The following EXOC2 variants were observed in gnomAD, a reference collection of about 807,000 sequenced individuals.
The protein encoded by EXOC2 is SEC5-like 1.
A neutral mutation model predicts 131.8 loss-of-function variants in EXOC2; 70 were observed. The ratio of observed to expected loss-of-function variants is 0.53; its 90% CI spans 0.44 to 0.65. The LOEUF (loss-of-function observed/expected upper bound fraction) is 0.65. EXOC2 is among the 30% of genes least tolerant of loss of function. The pLI, the probability that EXOC2 is intolerant of heterozygous loss-of-function variation, is 0.00. For missense variants in EXOC2, 923 were observed against 1,108.6 expected (o/e 0.83, Z 2.38); for synonymous variants, 411 against 398.4 (o/e 1.03, Z -0.38).
chr6:621,765 G>C (rs947980970), intron 4 of EXOC2, among the ~76,000 whole-genome samples: 1 of 152,154 alleles, frequency 6.6e-6, no homozygotes, highest in Non-Finnish European at 1.5e-5. Context: ...CCTTTTCACC[G>C]GTCAGCAGTC....
intron 23 of EXOC2, among the ~76,000 whole-genome samples, chr6:523,709 GGT>G (rs562925588): frequency 9.5e-4 from 145 of 152,170 alleles, no homozygotes; most frequent in Admixed American, 1.4e-3. Context: ...TTTGAGACAG[GGT>G]CTCTCCCTGT....
chr6:618,738 T>C (rs116810873), intron 5 of EXOC2, among the ~76,000 whole-genome samples: 147 of 152,390 alleles, frequency 9.6e-4, no homozygotes, highest in African/African-American at 3.5e-3. Flanking sequence ...TGATGTTTTC[T>C]AGTAATGCTT....
intron 23 of EXOC2, among the ~76,000 whole-genome samples, chr6:522,110 G>A (rs1257361296): frequency 6.6e-6 from 1 of 152,212 alleles, no homozygotes; most frequent in East Asian, 1.9e-4. Context: ...CAAGCCAGGT[G>A]CCTGGCTAAT....
intron 25 of EXOC2, among the ~76,000 whole-genome samples, chr6:497,086 G>C (rs1206581467): frequency 2.6e-5 from 4 of 152,234 alleles, no homozygotes; most frequent in Non-Finnish European, 4.4e-5. Flanking sequence ...CATGAAGATA[G>C]TTGGAAAATA....
chr6:505,915 GTGAA>G (rs1403480229), intron 23 of EXOC2, among the ~76,000 whole-genome samples: 1 of 152,214 alleles, frequency 6.6e-6, no homozygotes, highest in African/African-American at 2.4e-5. Flanking sequence ...CAGTTGATAA[GTGAA>G]TGAATGAGGG....
intron 1 of EXOC2, among the ~76,000 whole-genome samples, chr6:644,118 T>A (rs939557612): frequency 2.0e-5 from 3 of 152,100 alleles, no homozygotes; most frequent in Non-Finnish European, 4.4e-5. Flanking sequence ...ATCAAGCCTA[T>A]ATGAATTATT....
rs1764329566 is a variant in EXOC2, at chr6:503,179, T to TA, written c.2381-3480dup. Among the ~76,000 whole-genome samples, 13 of 149,696 alleles carry TA rather than the reference T, an allele frequency of 8.7e-5. 1 individual carries two copies. In the South Asian group the frequency reaches 2.7e-3, roughly 31 times the overall value. On this transcript the variant is annotated intron_variant, in intron 23 of 27. Transcript: ENST00000230449. ...AGGAGCAAGTACTTTTTTTTTTTTT[T>TA]ATTACCGATTGGGCTGAAATTGTTC...
chr6:612,446 T>C (rs1760764007), intron 6 of EXOC2, among the ~76,000 whole-genome samples: 1 of 152,254 alleles, frequency 6.6e-6, no homozygotes. Flanking sequence ...TTTCTATTTC[T>C]TATTTTACCA....
chr6:656,239 G>C, intron 1 of EXOC2: 1 of 1,614,230 alleles, frequency 6.2e-7, no homozygotes, highest in South Asian at 1.1e-5. Context: ...AACTGCAGAA[G>C]CTTCCGATTG....
intron 7 of EXOC2, among the ~76,000 whole-genome samples, chr6:601,014 C>T (rs557019518): frequency 1.3e-5 from 2 of 152,146 alleles, no homozygotes; most frequent in African/African-American, 2.4e-5. Flanking sequence ...GCAGTGAAAC[C>T]AAGATTTGTG....
intron 1 of EXOC2, among the ~76,000 whole-genome samples, chr6:692,627 T>C (rs1764986828): frequency 6.6e-6 from 1 of 152,282 alleles, no homozygotes. Context: ...AACACCCGCC[T>C]CGCGTTCACT....
At chr6:577,271 C>T (rs1310563557) in intron 11 of EXOC2, among the ~76,000 whole-genome samples, 1 of 152,060 alleles carries the variant, frequency 6.6e-6, no homozygotes, top group Non-Finnish European at 1.5e-5. Context: ...CACTTAAATC[C>T]CCAAATCCCA....
intron 12 of EXOC2, among the ~76,000 whole-genome samples, chr6:574,469 A>G (rs1421604046): frequency 2.0e-5 from 3 of 152,116 alleles, no homozygotes; most frequent in Non-Finnish European, 4.4e-5. Flanking sequence ...TCTTCTTACT[A>G]TTGTGGGGTT....
rs758900008 is a variant in EXOC2 at position 610,182 on chromosome 6, GA to G, written c.662-5del. On this transcript the variant is annotated splice_region_variant and splice_polypyrimidine_tract_variant and intron_variant, in intron 6 of 27. Coordinates refer to ENST00000230449, the MANE Select transcript of EXOC2 (RefSeq NM_018303.6). Reference sequence around the variant, plus strand: ...GCTTCTAGTTTTTGATGGATGGCTAGAAAAAAAAATCTAGTTAAAATGTAGG... The same window carrying G: ...GCTTCTAGTTTTTGATGGATGGCTAGAAAAAAAATCTAGTTAAAATGTAGG... 15 of 1,606,052 alleles carry G rather than the reference GA, an allele frequency of 9.3e-6. No individual in the cohort carries two copies. The highest frequency in any genetic ancestry group is 2.2e-5 in the East Asian group (1 of 44,658).
intron 23 of EXOC2, among the ~76,000 whole-genome samples, chr6:499,930 G>A (rs1415549275): frequency 6.6e-6 from 1 of 152,036 alleles, no homozygotes. Context: ...TTCTGTCACT[G>A]TTTATGTTCT....
intron 2 of EXOC2, among the ~76,000 whole-genome samples, chr6:633,829 C>A (rs993833519): frequency 6.6e-6 from 1 of 152,104 alleles, no homozygotes; most frequent in African/African-American, 2.4e-5. Context: ...CATGATGTCA[C>A]CTCCCTCATA....
chr6:496,742 A>C (rs1763766000), intron 25 of EXOC2, among the ~76,000 whole-genome samples: 1 of 152,214 alleles, frequency 6.6e-6, no homozygotes, highest in African/African-American at 2.4e-5. Context: ...TTTGATATTT[A>C]AGTTTACAGT....
chr6:595,596 T>C (rs1329236743), intron 10 of EXOC2, among the ~76,000 whole-genome samples: 2 of 152,056 alleles, frequency 1.3e-5, no homozygotes, highest in Non-Finnish European at 2.9e-5. Flanking sequence ...CAGTAAGTTA[T>C]ATACTCATAA....
intron 1 of EXOC2, among the ~76,000 whole-genome samples, chr6:685,025 T>C (rs539601003): frequency 1.1e-4 from 16 of 152,168 alleles, no homozygotes; most frequent in African/African-American, 2.9e-4. Context: ...AAGACTAGGA[T>C]AACCTCTACT....
Sources: allele counts gnomAD v4.1 joint callset (sites outside exome capture counted in the v4.1 genomes callset), GRCh38; gene constraint gnomAD v4.1.1; transcripts MANE v1.5; gene names NCBI Gene and HGNC (gene_info 2026-07-23, HGNC 2026-07-21).